Variants in CPQ observed in about 807,000 individuals in gnomAD.
CPQ encodes Ser-Met dipeptidase.
A neutral mutation model predicts 45.7 loss-of-function variants in CPQ; 37 were observed. The observed-to-expected ratio is 0.81, with a 90% CI of 0.62 to 1.07. The LOEUF is 1.07. CPQ is among the 50% of genes least tolerant of loss of function. The pLI, the probability that CPQ is intolerant of heterozygous loss-of-function variation, is 0.00. For synonymous variants in CPQ, 186 were observed against 205.8 expected, an observed-to-expected ratio of 0.90 and a Z score of 0.82; for missense variants, 537 against 572.9, an observed-to-expected ratio of 0.94 and a Z score of 0.64.
At chr8:97,021,951 T>C (rs1338485919) in intron 5 of CPQ, among the ~76,000 whole-genome samples, 1 of 152,006 alleles carries the variant, frequency 6.6e-6, no homozygotes, top group Non-Finnish European at 1.5e-5. Context: ...GAAGAATAAA[T>C]CTGGAGGTGT....
chr8:96,914,036 C>A (rs1812700904), intron 4 of CPQ, among the ~76,000 whole-genome samples: 1 of 152,038 alleles, frequency 6.6e-6, no homozygotes, highest in African/African-American at 2.4e-5. Context: ...GATATGTAGA[C>A]AAAACAGATT....
intron 1 of CPQ, among the ~76,000 whole-genome samples, chr8:96,720,353 G>C (rs1208805904): frequency 1.3e-5 from 2 of 151,878 alleles, no homozygotes; most frequent in Non-Finnish European, 2.9e-5. Context: ...GGACATTGTA[G>C]ACAATATATT....
At chr8:97,135,213 A>G (rs1214808774) in intron 7 of CPQ, among the ~76,000 whole-genome samples, 1 of 152,214 alleles carries the variant, frequency 6.6e-6, no homozygotes, top group East Asian at 1.9e-4. Flanking sequence ...CTTGAGAGTT[A>G]GAAACTAAAA....
intron 6 of CPQ, among the ~76,000 whole-genome samples, chr8:97,038,584 T>C (rs1454632762): frequency 6.6e-6 from 1 of 152,162 alleles, no homozygotes; most frequent in Non-Finnish European, 1.5e-5. Context: ...GGGGCCTTAC[T>C]AAGTTACAGA....
chr8:96,852,909 A>G (rs1242349905), intron 3 of CPQ, among the ~76,000 whole-genome samples: 1 of 152,176 alleles, frequency 6.6e-6, no homozygotes, highest in Non-Finnish European at 1.5e-5. Flanking sequence ...GGTGATAGTG[A>G]CTCAGCATAA....
rs533751422 is a variant in CPQ, at chr8:96,790,526, G to C, written c.433+5196G>C. Among the ~76,000 whole-genome samples the C allele has an allele frequency of 1.3e-4, 20 of 152,272 alleles. No individual in the cohort carries two copies. The East Asian group carries it at 3.9e-3, about 29-fold the overall frequency. ...ACAGAGGTTCTACCACAAGGTAATG[G>C]GGTTGGGGAATGAGAAACACTGGTA... On this transcript the variant is annotated intron_variant, in intron 2 of 7. Coordinates refer to ENST00000220763, the MANE Select transcript of CPQ (RefSeq NM_016134.4).
At chr8:96,685,518 T>C (rs1263079396) in intron 1 of CPQ, among the ~76,000 whole-genome samples, 1 of 152,152 alleles carries the variant, frequency 6.6e-6, no homozygotes, top group African/African-American at 2.4e-5. Flanking sequence ...AATATACTTA[T>C]GACATTAAAA....
intron 5 of CPQ, among the ~76,000 whole-genome samples, chr8:96,993,426 G>T (rs1809128191): frequency 6.6e-6 from 1 of 152,056 alleles, no homozygotes; most frequent in African/African-American, 2.4e-5. Flanking sequence ...GGTCTTTATA[G>T]GTCTAATGGG....
chr8:96,875,776 T>A (rs971534484), intron 3 of CPQ, among the ~76,000 whole-genome samples: 2 of 151,994 alleles, frequency 1.3e-5, no homozygotes, highest in African/African-American at 4.8e-5. Context: ...TTGTTTTGTT[T>A]ATTTTGAATG....
At chr8:96,747,941 G>T (rs1176651119) in intron 1 of CPQ, among the ~76,000 whole-genome samples, 2 of 152,162 alleles carry the variant, frequency 1.3e-5, no homozygotes, top group African/African-American at 4.8e-5. Flanking sequence ...ATGATACTTT[G>T]AATGAGAAAG....
intron 7 of CPQ, among the ~76,000 whole-genome samples, chr8:97,105,053 G>A (rs758265411): frequency 5.3e-5 from 8 of 152,206 alleles, no homozygotes; most frequent in Non-Finnish European, 1.0e-4. Context: ...TGAGATACAG[G>A]TAACAAAAAC....
chr8:96,824,923 A>T (rs1811357931), intron 2 of CPQ, among the ~76,000 whole-genome samples: 1 of 152,078 alleles, frequency 6.6e-6, no homozygotes, highest in Non-Finnish European at 1.5e-5. Flanking sequence ...AACATATTGA[A>T]TTCAAAATAT....
At chr8:96,923,449 C>G (rs542968091) in intron 4 of CPQ, among the ~76,000 whole-genome samples, 1 of 152,270 alleles carries the variant, frequency 6.6e-6, no homozygotes, top group Admixed American at 6.5e-5. Flanking sequence ...CCTTCTTCAA[C>G]TTATTTTTCT....
At position 96,967,794 on chromosome 8, in the gene CPQ, G is replaced by A. The variant is rs564268081; in HGVS notation, c.961+1748G>A. ...ATAGGATTCTGGAGCCAGACTGCCA[G>A]GGTTCAAATCTCAGCTCTGCAGTCT... On this transcript the variant is annotated intron_variant, in intron 5 of 7. Transcript: ENST00000220763. Among the ~76,000 whole-genome samples, 5 of 152,328 alleles carry A rather than the reference G, an allele frequency of 3.3e-5. No homozygotes were observed. In the South Asian group the frequency reaches 1.0e-3, roughly 32 times the overall value.
At chr8:96,850,520 G>A (rs1428001043) in intron 3 of CPQ, among the ~76,000 whole-genome samples, 1 of 151,870 alleles carries the variant, frequency 6.6e-6, no homozygotes, top group African/African-American at 2.4e-5. Context: ...TCTGATGCTC[G>A]TAAATACTCC....
At chr8:97,124,991 T>G (rs1162775548) in intron 7 of CPQ, among the ~76,000 whole-genome samples, 2 of 152,012 alleles carry the variant, frequency 1.3e-5, no homozygotes, top group African/African-American at 4.8e-5. Context: ...AACAAAGCTA[T>G]AAAACTGATA....
intron 1 of CPQ, among the ~76,000 whole-genome samples, chr8:96,670,433 T>C (rs1292526673): frequency 1.3e-5 from 2 of 150,692 alleles, no homozygotes; most frequent in African/African-American, 4.9e-5. Flanking sequence ...AATTAGCAAA[T>C]ATGGAATCCA....
chr8:96,867,627 C>T (rs1171778735), intron 3 of CPQ, among the ~76,000 whole-genome samples: 1 of 151,714 alleles, frequency 6.6e-6, no homozygotes, highest in Admixed American at 6.6e-5. Context: ...CAGACAAAAC[C>T]ACTTTTACCT....
chr8:97,042,781 T>G (rs1368682198), intron 6 of CPQ, among the ~76,000 whole-genome samples: 2 of 152,148 alleles, frequency 1.3e-5, no homozygotes, highest in South Asian at 2.1e-4. Flanking sequence ...TCAGTTTCCA[T>G]GTAGTTGAGC....
Sources: gnomAD v4.1 joint callset for allele counts (sites outside exome capture counted in the v4.1 genomes callset) on GRCh38, gnomAD v4.1.1 for gene constraint, MANE v1.5 for transcripts, NCBI Gene and HGNC (gene_info 2026-07-23, HGNC 2026-07-21) for gene names.